Variants in CHKA observed in about 807,000 individuals in gnomAD.
CHKA encodes choline kinase alpha, also known as CHETK-alpha.
Under a neutral mutation model 60.1 loss-of-function variants are expected in CHKA, and 34 were observed. The ratio of observed to expected loss-of-function variants is 0.57; its 90% CI spans 0.43 to 0.75. CHKA has a LOEUF of 0.75. Among genes scored for constraint, CHKA ranks in the 30% least tolerant of loss-of-function variants. The probability of loss-of-function intolerance (pLI) is 0.00; values close to 1 mark genes in which losing one functional copy is unlikely to be tolerated. For missense variants in CHKA, 563 were observed against 561.3 expected (o/e 1.00, Z -0.03); for synonymous variants, 217 against 223.1 (o/e 0.97, Z 0.24).
chr11:68,095,164 T>C (rs949590621), intron 2 of CHKA, among the ~76,000 whole-genome samples: 6 of 148,104 alleles, frequency 4.1e-5, no homozygotes, highest in African/African-American at 1.5e-4. Flanking sequence ...CAGTACTTTG[T>C]GAGGCCAAGG....
chr11:68,075,350 A>G (rs561840891), intron 3 of CHKA, among the ~76,000 whole-genome samples: 2 of 152,012 alleles, frequency 1.3e-5, no homozygotes, highest in African/African-American at 4.8e-5. Context: ...TAGTCCAAAG[A>G]GCACCCTAGC....
At chr11:68,074,355 T>C (rs1217240365) in intron 4 of CHKA, among the ~76,000 whole-genome samples, 1 of 152,104 alleles carries the variant, frequency 6.6e-6, no homozygotes, top group African/African-American at 2.4e-5. Context: ...CCCACAGGGC[T>C]ACAGTCAGAG....
intron 2 of CHKA, among the ~76,000 whole-genome samples, chr11:68,088,189 T>C (rs1301252100): frequency 6.6e-6 from 1 of 151,806 alleles, no homozygotes; most frequent in Non-Finnish European, 1.5e-5. Context: ...ATATGTAAAT[T>C]TTGGTCTCGG....
intron 3 of CHKA, among the ~76,000 whole-genome samples, chr11:68,075,957 C>T (rs1325810014): frequency 2.0e-5 from 3 of 152,116 alleles, no homozygotes; most frequent in African/African-American, 4.8e-5. Context: ...AACACATTCA[C>T]GTTACCAAAA....
chr11:68,077,583 A>C (rs1856834316), intron 3 of CHKA, among the ~76,000 whole-genome samples: 1 of 152,154 alleles, frequency 6.6e-6, no homozygotes, highest in South Asian at 2.1e-4. Flanking sequence ...CACTTACTCA[A>C]TGTCTACTAT....
At chr11:68,100,654 T>G (rs1387635052) in intron 1 of CHKA, among the ~76,000 whole-genome samples, 5 of 150,354 alleles carry the variant, frequency 3.3e-5, no homozygotes, top group Admixed American at 2.0e-4. Context: ...AAACATCATC[T>G]CCAATAAATA....
intron 2 of CHKA, among the ~76,000 whole-genome samples, chr11:68,090,966 G>T (rs1020450505): frequency 6.6e-6 from 1 of 152,130 alleles, no homozygotes; most frequent in African/African-American, 2.4e-5. Context: ...TACATTGAAT[G>T]AACAATACGT....
rs190925996 is a variant in CHKA at position 68,054,418 on chromosome 11, A to G, written c.1315-371T>C. 2.0e-5 allele frequency among the ~76,000 whole-genome samples: 3 copies of G among 152,232 alleles called. No individual in the cohort carries two copies. In the East Asian group the frequency reaches 5.8e-4, roughly 29 times the overall value. Reference sequence around the variant, plus strand: ...CGACATAACACACCTTTTAGAGCAAAAGACCCCTGGGACACAGGCGAGTCT... The same window carrying G: ...CGACATAACACACCTTTTAGAGCAAGAGACCCCTGGGACACAGGCGAGTCT... On this transcript the variant is annotated intron_variant, in intron 11 of 11. Coordinates refer to ENST00000265689, the MANE Select transcript of CHKA (RefSeq NM_001277.3).
At chr11:68,097,922 A>T (rs1185122418) in intron 1 of CHKA, among the ~76,000 whole-genome samples, 1 of 152,146 alleles carries the variant, frequency 6.6e-6, no homozygotes, top group Non-Finnish European at 1.5e-5. Context: ...ACTAACCATG[A>T]AGAGTTGTCA....
chr11:68,062,059 T>C lies in CHKA; in HGVS notation c.1233-25A>G, dbSNP rs749802170. 7 of 1,463,140 alleles carry C rather than the reference T, an allele frequency of 4.8e-6. No homozygotes were observed. In the East Asian group the frequency reaches 1.4e-4, roughly 29 times the overall value. The allele number at this position is 1,463,140 out of a possible 1,614,324, so 90.6% of individuals were successfully genotyped here. Reference sequence around the variant, plus strand: ...CCTGGAATGATAAAAGCAAGAAACATATAAGAGACATACAGTATCAGTTAC... The same window carrying C: ...CCTGGAATGATAAAAGCAAGAAACACATAAGAGACATACAGTATCAGTTAC... On this transcript the variant is annotated intron_variant, in intron 10 of 11. Transcript: ENST00000265689.
At chr11:68,061,286 A>G (rs1191254099) in intron 11 of CHKA, among the ~76,000 whole-genome samples, 1 of 151,670 alleles carries the variant, frequency 6.6e-6, no homozygotes, top group Non-Finnish European at 1.5e-5. Flanking sequence ...TGGTATTTTT[A>G]GTAGAGATGG....
chr11:68,070,591 C>A (rs1196575112), intron 5 of CHKA, 133 bp downstream of exon 5: 9 of 921,888 alleles, frequency 9.8e-6, no homozygotes, highest in Non-Finnish European at 1.5e-5. Context: ...AGACAAGTAT[C>A]ACCAGCTGAC....
At chr11:68,086,799 G>A (rs749533781) in intron 2 of CHKA, among the ~76,000 whole-genome samples, 2 of 152,126 alleles carry the variant, frequency 1.3e-5, no homozygotes, top group African/African-American at 4.8e-5. Flanking sequence ...CATCCTGGCT[G>A]ACACAGTGAA....
At position 68,110,955 on chromosome 11, in the gene CHKA, G is replaced by A. The variant is rs1470916373; in HGVS notation, c.350+9873C>T. Reference sequence around the variant, plus strand: ...GGAGGTTGCAGTGAGCTGGGATCACGCCACTGCACTCCAGCCTGGGCAACA... The same window carrying A: ...GGAGGTTGCAGTGAGCTGGGATCACACCACTGCACTCCAGCCTGGGCAACA... On this transcript the variant is annotated intron_variant, in intron 1 of 11. Transcript: ENST00000265689. 2.0e-5 allele frequency among the ~76,000 whole-genome samples: 3 copies of A among 149,358 alleles called. No homozygotes were observed. In the East Asian group the frequency reaches 5.9e-4, roughly 29 times the overall value.
chr11:68,077,127 C>A (rs1403471453), intron 3 of CHKA, among the ~76,000 whole-genome samples: 2 of 152,164 alleles, frequency 1.3e-5, no homozygotes, highest in Non-Finnish European at 2.9e-5. Context: ...GTAATCCCAG[C>A]TACTCAGGAG....
chr11:68,119,330 AAG>A (rs1223763784), intron 1 of CHKA, among the ~76,000 whole-genome samples: 1 of 152,204 alleles, frequency 6.6e-6, no homozygotes, highest in Non-Finnish European at 1.5e-5. Flanking sequence ...GCTCTGGTGA[AAG>A]ACAGTGGGCA....
chr11:68,101,969 G>A (rs1857743062), intron 1 of CHKA, among the ~76,000 whole-genome samples: 1 of 151,784 alleles, frequency 6.6e-6, no homozygotes, highest in Non-Finnish European at 1.5e-5. Context: ...GCATGGTGGT[G>A]GGCGCCTGTA....
rs1306540214 is a variant in CHKA at position 68,053,931 on chromosome 11, C to T, written c.*57G>A. 1.7e-5 allele frequency: 25 copies of T among 1,507,868 alleles called. No individual in the cohort carries two copies. The highest frequency in any genetic ancestry group is 3.4e-5 in the South Asian group (3 of 87,024). 93.4% of individuals were successfully genotyped at this position (1,507,868 alleles called of 1,614,324 possible). A position where few individuals can be genotyped will look rare whatever the true frequency, so the allele number is the denominator to read the frequency against. On this transcript the variant is annotated 3_prime_UTR_variant, in exon 12 of 12. Transcript: ENST00000265689. ...AGTAGTCGAAGCACAGAGGGGACCC[C>T]GCTCTGCTGCCTCCCCATGCAGTCC...
At chr11:68,083,293 G>A (rs1160681135) in intron 2 of CHKA, among the ~76,000 whole-genome samples, 1 of 152,186 alleles carries the variant, frequency 6.6e-6, no homozygotes, top group East Asian at 1.9e-4. Context: ...TGGTAACAAG[G>A]AAGCTGGCTG....
Sources: gnomAD v4.1 joint callset for allele counts (sites outside exome capture counted in the v4.1 genomes callset) on GRCh38, gnomAD v4.1.1 for gene constraint, MANE v1.5 for transcripts, NCBI Gene and HGNC (gene_info 2026-07-23, HGNC 2026-07-21) for gene names.